AUTS2: variants seen among roughly 807,000 people sequenced by gnomAD.
AUTS2 encodes autism susceptibility gene 2 protein.
Under a neutral mutation model 112.4 loss-of-function variants are expected in AUTS2, and 17 were observed. The observed-to-expected ratio is 0.15, with a 90% CI of 0.10 to 0.23. The LOEUF is 0.23. AUTS2 is among the 10% of genes least tolerant of loss of function. AUTS2 has a pLI of 1.00. For synonymous variants in AUTS2, 751 were observed against 702.7 expected (o/e 1.07, Z -1.09); for missense variants, 1,510 against 1,701.6 (o/e 0.89, Z 1.98).
chr7:69,633,874 T>C (rs1178272171), intron 1 of AUTS2, among the ~76,000 whole-genome samples: 1 of 152,208 alleles, frequency 6.6e-6, no homozygotes, highest in African/African-American at 2.4e-5. Flanking sequence ...AGTTTGCAAA[T>C]ATTGTCTTCC....
chr7:70,118,972 CAT>C (rs1265861589), intron 3 of AUTS2: 1 of 151,076 alleles, frequency 6.6e-6, no homozygotes, highest in Non-Finnish European at 1.5e-5. Flanking sequence ...CTTCTTTACT[CAT>C]ATGTCATATA....
At chr7:69,827,926 A>G (rs747176212) in intron 1 of AUTS2, among the ~76,000 whole-genome samples, 5 of 152,178 alleles carry the variant, frequency 3.3e-5, no homozygotes, top group African/African-American at 7.2e-5. Flanking sequence ...TGTCTTTTGT[A>G]GACGAGAGTG....
At chr7:69,721,723 A>G (rs1798954731) in intron 1 of AUTS2, among the ~76,000 whole-genome samples, 1 of 152,218 alleles carries the variant, frequency 6.6e-6, no homozygotes, top group Non-Finnish European at 1.5e-5. Flanking sequence ...GATGGTCATC[A>G]CAGAACTGGA....
intron 5 of AUTS2, among the ~76,000 whole-genome samples, chr7:70,662,093 G>A (rs1033989845): frequency 6.6e-6 from 1 of 152,190 alleles, no homozygotes; most frequent in Non-Finnish European, 1.5e-5. Flanking sequence ...GGGGGCTGTC[G>A]GCCCTTCCCA....
At chr7:70,205,531 G>A (rs1810529728) in intron 4 of AUTS2, among the ~76,000 whole-genome samples, 1 of 152,120 alleles carries the variant, frequency 6.6e-6, no homozygotes, top group Non-Finnish European at 1.5e-5. Flanking sequence ...TTGCCATTAT[G>A]TTACAGTACT....
chr7:69,969,953 A>C (rs2129547862), intron 2 of AUTS2, among the ~76,000 whole-genome samples: 1 of 152,312 alleles, frequency 6.6e-6, no homozygotes, highest in South Asian at 2.1e-4. Context: ...AGAAAGAAAA[A>C]TTAAGAATGG....
Position 70,695,264 on chromosome 7 carries a change from C to CCTCGGCCGGCCGGG in AUTS2, c.691-3295_691-3282dup, listed in dbSNP as rs1264430095. On this transcript the variant is annotated intron_variant, in intron 5 of 18. Transcript: ENST00000342771. Reference sequence around the variant, plus strand: ...TGTCGCCCGCCTTTGTACTTTCCTCCCTCGGCCGGCCGGGCTCGGCCGGAG... The same window carrying CCTCGGCCGGCCGGG: ...TGTCGCCCGCCTTTGTACTTTCCTCCCTCGGCCGGCCGGGCTCGGCCGGCCGGGCTCGGCCGGAG... Among the ~76,000 whole-genome samples, 14 of 152,294 alleles carry CCTCGGCCGGCCGGG rather than the reference C, an allele frequency of 9.2e-5. No homozygotes were observed. The South Asian group carries it at 2.1e-3, about 23-fold the overall frequency.
At chr7:70,278,833 C>A (rs1196813659) in intron 4 of AUTS2, among the ~76,000 whole-genome samples, 4 of 152,084 alleles carry the variant, frequency 2.6e-5, no homozygotes, top group African/African-American at 9.7e-5. Flanking sequence ...TTATGGAGTA[C>A]TCTCATTACT....
chr7:69,987,334 C>T (rs1798552887), intron 2 of AUTS2, among the ~76,000 whole-genome samples: 1 of 152,116 alleles, frequency 6.6e-6, no homozygotes, highest in Non-Finnish European at 1.5e-5. Context: ...GAGGGAAATG[C>T]TGTGAAGGTC....
intron 5 of AUTS2, among the ~76,000 whole-genome samples, chr7:70,464,206 G>T (rs1184618246): frequency 2.0e-5 from 3 of 152,068 alleles, no homozygotes; most frequent in African/African-American, 7.2e-5. Flanking sequence ...TGCTCTTCTG[G>T]AACTCTTTCC....
At chr7:69,684,568 T>TA (rs1190007593) in intron 1 of AUTS2, among the ~76,000 whole-genome samples, 1 of 152,204 alleles carries the variant, frequency 6.6e-6, no homozygotes, top group African/African-American at 2.4e-5. Flanking sequence ...TTGCAGCCAG[T>TA]ACATCAGAGC....
intron 4 of AUTS2, among the ~76,000 whole-genome samples, chr7:70,177,055 CAT>C (rs1420430136): frequency 6.6e-6 from 1 of 152,166 alleles, no homozygotes; most frequent in Non-Finnish European, 1.5e-5. Flanking sequence ...TCACAGGAGA[CAT>C]AGCATGATTA....
chr7:70,284,625 T>A (rs907308273), intron 4 of AUTS2, among the ~76,000 whole-genome samples: 6 of 152,220 alleles, frequency 3.9e-5, no homozygotes, highest in South Asian at 2.1e-4. Flanking sequence ...TTCTTGATAA[T>A]AGAAAGCACA....
At chr7:70,410,813 T>A (rs1794743552) in intron 4 of AUTS2, among the ~76,000 whole-genome samples, 1 of 151,540 alleles carries the variant, frequency 6.6e-6, no homozygotes. Flanking sequence ...CCCCTACATA[T>A]GAAGGAACTA....
chr7:69,710,405 T>C (rs1024999499), intron 1 of AUTS2, among the ~76,000 whole-genome samples: 3 of 152,260 alleles, frequency 2.0e-5, no homozygotes, highest in Non-Finnish European at 4.4e-5. Flanking sequence ...AAACTGAGAT[T>C]GAGGCTTTTG....
rs552882511 is a variant in AUTS2 at position 70,722,464 on chromosome 7, A to T, written c.742+23844A>T. On this transcript the variant is annotated intron_variant, in intron 6 of 18. Coordinates refer to ENST00000342771, the MANE Select transcript of AUTS2 (RefSeq NM_015570.4). ...TAGCTGTATAGCCAAATGAGCTTTT[A>T]GAGCTCTGGATTCCATTGGAATTTA... Among the ~76,000 whole-genome samples the T allele has an allele frequency of 1.9e-4, 29 of 152,312 alleles. No individual in the cohort carries two copies. The South Asian group carries it at 5.8e-3, about 30-fold the overall frequency.
chr7:70,658,755 A>G (rs1232779549), intron 5 of AUTS2, among the ~76,000 whole-genome samples: 1 of 152,226 alleles, frequency 6.6e-6, no homozygotes, highest in Non-Finnish European at 1.5e-5. Context: ...AAGGAAATTC[A>G]TGGTAAGCCT....
In AUTS2 at chr7:70,590,122, T is replaced by TTGTGTG. The variant is rs55775984; in HGVS notation, c.691-108423_691-108418dup. On this transcript the variant is annotated intron_variant, in intron 5 of 18. Coordinates refer to ENST00000342771, the MANE Select transcript of AUTS2 (RefSeq NM_015570.4). Reference sequence around the variant, plus strand: ...AGTGGCCAGGAACTTGTTTTTGCATTTGTGTGTGTGTGTGTGTGTGTGTGT... The same window carrying TTGTGTG: ...AGTGGCCAGGAACTTGTTTTTGCATTTGTGTGTGTGTGTGTGTGTGTGTGTGTGTGT... Among the ~76,000 whole-genome samples, 875 of 143,552 alleles carry TTGTGTG rather than the reference T, an allele frequency of 6.1e-3. 5 individuals are homozygous for TTGTGTG. Among genetic ancestry groups the TTGTGTG allele is most frequent in the African/African-American group, 0.017 (655 of 38,584 alleles). 94.2% of individuals were successfully genotyped at this position (143,552 alleles called of 152,430 possible).
rs570750226 is a variant in AUTS2, at chr7:70,703,081, T to A, written c.742+4461T>A. On this transcript the variant is annotated intron_variant, in intron 6 of 18. Coordinates refer to ENST00000342771, the MANE Select transcript of AUTS2 (RefSeq NM_015570.4). ...GCTTAGTAACCAGGTACCTAATAAA[T>A]TCTTCCATGGCGACCATATGACCTT... 3.3e-5 allele frequency among the ~76,000 whole-genome samples: 5 copies of A among 152,302 alleles called. 1 individual carries two copies. In the South Asian group the frequency reaches 1.0e-3, roughly 32 times the overall value.
Sources: allele counts gnomAD v4.1 joint callset (sites outside exome capture counted in the v4.1 genomes callset), GRCh38; gene constraint gnomAD v4.1.1; transcripts MANE v1.5; gene names NCBI Gene and HGNC (gene_info 2026-07-23, HGNC 2026-07-21).